The following FREM1 variants were observed in gnomAD, a reference collection of about 807,000 sequenced individuals.
The protein encoded by FREM1 is FRAS1 related extracellular matrix 1, also known as FRAS1-related extracellular matrix protein 1.
FREM1 carries 220 observed loss-of-function variants against 210.1 expected under a neutral mutation model. That is an observed-to-expected ratio of 1.05 (90% CI 0.94 to 1.17). FREM1 has a LOEUF of 1.17. FREM1 is among the 50% of genes most tolerant of loss of function. FREM1 has a pLI of 0.00. For synonymous variants in FREM1, 1,189 were observed against 980.2 expected, an observed-to-expected ratio of 1.21 and a Z score of -3.98; for missense variants, 3,454 against 2,675.5, an observed-to-expected ratio of 1.29 and a Z score of -6.42.
intron 23 of FREM1, 33 bp from the exon 24 acceptor site, chr9:14,784,667 A>T (rs10810239): frequency 1.4e-6 from 2 of 1,441,976 alleles, no homozygotes; most frequent in African/African-American, 1.4e-5. Context: ...GTCAATAATC[A>T]TATCAAAAAA....
intron 23 of FREM1, among the ~76,000 whole-genome samples, chr9:14,787,812 C>G (rs748010352): frequency 1.3e-5 from 2 of 152,120 alleles, no homozygotes; most frequent in Non-Finnish European, 2.9e-5. Flanking sequence ...CCTGGACATA[C>G]ATTTATGATG....
Position 14,747,275 on chromosome 9 carries a change from A to C in FREM1, c.5998T>G (p.Phe2000Val). ...AAAGATTTTCATACCTGTCTGGGGA[A>C]GTGTGAGTCAGTTGTGGATTCCACC... ...DKVESTTDSH[F>V]PRQDQLPSFP... Residue 2000 changes from phenylalanine to valine, a missense_variant, in exon 33 of 37, where the codon TTC becomes GTC. Physicochemically the swap from Phe to Val is conservative, Grantham distance 50 (BLOSUM62 -1). Transcript: ENST00000380880. 6.2e-7 allele frequency: 1 copy of C among 1,612,276 alleles called. No homozygotes were observed.
chr9:14,779,076 T>C (rs1849225646), intron 24 of FREM1, among the ~76,000 whole-genome samples: 1 of 152,138 alleles, frequency 6.6e-6, no homozygotes, highest in Non-Finnish European at 1.5e-5. Flanking sequence ...CTGTTACTTT[T>C]TCATATTCCC....
intron 24 of FREM1, among the ~76,000 whole-genome samples, chr9:14,781,750 C>A (rs1433695828): frequency 6.6e-6 from 1 of 152,202 alleles, no homozygotes; most frequent in Non-Finnish European, 1.5e-5. Flanking sequence ...GTTGCCCAGG[C>A]TGGAGTGTAG....
rs760074290 is a variant in FREM1, at chr9:14,819,238, C to A, written c.2542G>T (p.Val848Phe). The stretch of plus-strand genomic sequence containing the variant: ...AAAACCATGAAATGTTCTAACCTAA[C>A]TTTTAAGGTATGGAGATCGCCCCAA... ...FSWGDLHTLK[V>F]RYQHDGTEVL... Residue 848 changes from valine to phenylalanine, a missense_variant, in exon 14 of 37, where the codon GTT becomes TTT. Physicochemically the swap from Val to Phe is conservative, Grantham distance 50. Coordinates refer to ENST00000380880, the MANE Select transcript of FREM1 (RefSeq NM_001379081.2). 10 of 1,605,276 alleles carry A rather than the reference C, an allele frequency of 6.2e-6. No individual in the cohort carries two copies. The Admixed American group carries it at 1.7e-4, about 27-fold the overall frequency.
rs1329536153 is a variant in FREM1, at chr9:14,842,260, G to GA, written c.1738+55_1738+56insT. On this transcript the variant is annotated intron_variant, in intron 9 of 36. Coordinates refer to ENST00000380880, the MANE Select transcript of FREM1 (RefSeq NM_001379081.2). ...AGCAAACCCAGAAGGATGCATAGAA[G>GA]GTTCTCTATGGAAGAGTGAATTCCA... The GA allele has an allele frequency of 2.4e-4, 267 of 1,099,808 alleles. 4 individuals carry two copies. In the African/African-American group the frequency reaches 3.6e-3, roughly 15 times the overall value. The allele number at this position is 1,099,808 out of a possible 1,614,324, so 68.1% of individuals were successfully genotyped here.
chr9:14,901,418 A>G (rs1184917268), intron 1 of FREM1, among the ~76,000 whole-genome samples: 1 of 152,124 alleles, frequency 6.6e-6, no homozygotes, highest in Admixed American at 6.5e-5. Flanking sequence ...ACTCCTTATA[A>G]CATTCTTTGA....
chr9:14,841,372 G>A, intron 10 of FREM1, 75 bp downstream of exon 10: 2 of 1,223,444 alleles, frequency 1.6e-6, no homozygotes, highest in Non-Finnish European at 2.2e-6. Flanking sequence ...ATTTTCATGT[G>A]GTTTCTAACC....
At chr9:14,782,293 T>A in intron 24 of FREM1, 3 of 869,488 alleles carry the variant, frequency 3.5e-6, no homozygotes, top group Non-Finnish European at 4.1e-6. Context: ...TGGATGCAAA[T>A]TAGGAAATTT....
At chr9:14,832,779 A>T (rs1823815507) in intron 10 of FREM1, among the ~76,000 whole-genome samples, 1 of 152,168 alleles carries the variant, frequency 6.6e-6, no homozygotes, top group South Asian at 2.1e-4. Context: ...AAAAGGGGTA[A>T]TAAGGATCAC....
At chr9:14,883,637 A>T (rs1835221965) in intron 1 of FREM1, among the ~76,000 whole-genome samples, 1 of 152,242 alleles carries the variant, frequency 6.6e-6, no homozygotes, top group African/African-American at 2.4e-5. Flanking sequence ...GGGTCTTTTA[A>T]CACCTCAAAA....
intron 27 of FREM1, among the ~76,000 whole-genome samples, chr9:14,760,657 G>C (rs1845323491): frequency 6.6e-6 from 1 of 152,016 alleles, no homozygotes; most frequent in South Asian, 2.1e-4. Flanking sequence ...GAGAGGTTAA[G>C]TAACTAACTT....
At chr9:14,895,904 T>G (rs1837628510) in intron 1 of FREM1, among the ~76,000 whole-genome samples, 2 of 152,068 alleles carry the variant, frequency 1.3e-5, no homozygotes, top group African/African-American at 2.4e-5. Flanking sequence ...GATTAAGGAT[T>G]CTCTTATAAA....
intron 1 of FREM1, among the ~76,000 whole-genome samples, chr9:14,875,197 G>A (rs1014703708): frequency 4.6e-5 from 7 of 152,092 alleles, no homozygotes; most frequent in African/African-American, 1.7e-4. Flanking sequence ...TTTATTTCCT[G>A]AATCTGAATG....
At chr9:14,854,185 C>T (rs1455467911) in intron 5 of FREM1, among the ~76,000 whole-genome samples, 1 of 152,020 alleles carries the variant, frequency 6.6e-6, no homozygotes, top group Admixed American at 6.5e-5. Flanking sequence ...AAAACATCAA[C>T]TGTGATAAGG....
At chr9:14,902,618 T>C (rs887786325) in intron 1 of FREM1, among the ~76,000 whole-genome samples, 1 of 152,164 alleles carries the variant, frequency 6.6e-6, no homozygotes, top group Non-Finnish European at 1.5e-5. Context: ...CCCAGTGCAC[T>C]GCCACCTCCT....
chr9:14,817,048 C>T (rs1054980179), intron 14 of FREM1, among the ~76,000 whole-genome samples, 177 bp from the exon 15 acceptor site: 1 of 152,186 alleles, frequency 6.6e-6, no homozygotes, highest in African/African-American at 2.4e-5. Context: ...ACTACTCATA[C>T]ATCCTTGAAT....
chr9:14,827,773 G>A (rs1822751989), intron 10 of FREM1, among the ~76,000 whole-genome samples: 1 of 152,184 alleles, frequency 6.6e-6, no homozygotes, highest in African/African-American at 2.4e-5. Flanking sequence ...ATGGTTTCAA[G>A]GGAGGGACCT....
In FREM1 at chr9:14,770,787, G is replaced by A; in HGVS notation, c.4877C>T (p.Thr1626Ile). Residue 1626 changes from threonine to isoleucine, a missense_variant, in exon 26 of 37, where the codon ACA (threonine) becomes ATA (isoleucine). Thr to Ile is a moderately conservative substitution (Grantham distance 89). Transcript: ENST00000380880. Reference protein sequence around the residue: ...FTIQVDQLDKTAPRITLLHSP... With the variant: ...FTIQVDQLDKIAPRITLLHSP... The stretch of plus-strand genomic sequence containing the variant: ...ATGCAAGAGTGTGATACGAGGAGCT[G>A]TTTTGTCCAATTGGTCTACCTGGAT... 2 of 1,612,400 alleles carry A rather than the reference G, an allele frequency of 1.2e-6. No individual in the cohort carries two copies. Among genetic ancestry groups the A allele is most frequent in the Non-Finnish European group, 1.7e-6 (2 of 1,179,126 alleles).
Sources: gnomAD v4.1 joint callset for allele counts (sites outside exome capture counted in the v4.1 genomes callset) on GRCh38, gnomAD v4.1.1 for gene constraint, MANE v1.5 for transcripts, NCBI Gene and HGNC (gene_info 2026-07-23, HGNC 2026-07-21) for gene names.